The following ZMAT4 variants were observed in gnomAD, a reference collection of about 807,000 sequenced individuals.
ZMAT4 encodes the protein zinc finger matrin-type 4.
ZMAT4 carries 17 observed loss-of-function variants against 28.7 expected under a neutral mutation model. The ratio of observed to expected loss-of-function variants is 0.59; its 90% CI spans 0.41 to 0.89. ZMAT4 has a LOEUF of 0.89. Among genes scored for constraint, ZMAT4 ranks in the 40% least tolerant of loss-of-function variants. The pLI is 0.00. For missense variants in ZMAT4, 240 were observed against 283.8 expected (o/e 0.85, Z 1.11); for synonymous variants, 117 against 109.2 (o/e 1.07, Z -0.44).
intron 4 of ZMAT4, among the ~76,000 whole-genome samples, chr8:40,681,683 C>T (rs1809171798): frequency 6.6e-6 from 1 of 152,176 alleles, no homozygotes; most frequent in Non-Finnish European, 1.5e-5. Flanking sequence ...GTGATAAATA[C>T]ATGAAGAAAA....
chr8:40,831,413 A>T (rs569780454), intron 1 of ZMAT4, among the ~76,000 whole-genome samples: 1 of 152,170 alleles, frequency 6.6e-6, no homozygotes, highest in Non-Finnish European at 1.5e-5. Flanking sequence ...GAAGCATGTC[A>T]TTCAAAATAT....
chr8:40,825,324 A>C (rs572061697), intron 2 of ZMAT4, among the ~76,000 whole-genome samples: 1 of 152,246 alleles, frequency 6.6e-6, no homozygotes, highest in South Asian at 2.1e-4. Flanking sequence ...CAGAGTCTCC[A>C]GGGGCTGAGA....
At chr8:40,856,343 G>A (rs1817298475) in intron 1 of ZMAT4, among the ~76,000 whole-genome samples, 2 of 152,142 alleles carry the variant, frequency 1.3e-5, no homozygotes, top group Admixed American at 6.5e-5. Flanking sequence ...GCGCAAAGAT[G>A]GAAAGGGTTG....
chr8:40,770,530 C>T (rs978108652), intron 2 of ZMAT4, among the ~76,000 whole-genome samples: 1 of 142,190 alleles, frequency 7.0e-6, no homozygotes, highest in Admixed American at 7.4e-5. Flanking sequence ...TTCTTCCTCC[C>T]TTTCTTTCTT....
At chr8:40,881,490 A>AGAAAGAAAGAAAGAAAGAAG (rs1563263541) in intron 1 of ZMAT4, among the ~76,000 whole-genome samples, 1 of 141,494 alleles carries the variant, frequency 7.1e-6, no homozygotes, top group African/African-American at 2.6e-5. Context: ...AAAGAAAGAA[A>AGAAAGAAAGAAAGAAAGAAG]GAAAGAAAGA....
intron 1 of ZMAT4, among the ~76,000 whole-genome samples, chr8:40,886,458 C>A (rs1481252654): frequency 6.6e-6 from 1 of 152,228 alleles, no homozygotes; most frequent in Non-Finnish European, 1.5e-5. Context: ...GCAGACGGCG[C>A]ACAGGCTTGG....
chr8:40,653,565 A>G (rs1252814513), intron 5 of ZMAT4, among the ~76,000 whole-genome samples: 2 of 152,156 alleles, frequency 1.3e-5, no homozygotes, highest in African/African-American at 2.4e-5. Context: ...AAAATGAAAG[A>G]GAGGACATCA....
chr8:40,734,922 A>G (rs1363646496), intron 3 of ZMAT4, among the ~76,000 whole-genome samples: 1 of 152,244 alleles, frequency 6.6e-6, no homozygotes, highest in Non-Finnish European at 1.5e-5. Flanking sequence ...TAAAATTAGA[A>G]TCTACTGGGA....
At chr8:40,868,544 T>G (rs1817748747) in intron 1 of ZMAT4, among the ~76,000 whole-genome samples, 1 of 152,200 alleles carries the variant, frequency 6.6e-6, no homozygotes, top group African/African-American at 2.4e-5. Context: ...CAGACTGCAC[T>G]TGGGCACCAA....
chr8:40,700,416 T>TC (rs1810090514), intron 3 of ZMAT4, among the ~76,000 whole-genome samples: 2 of 138,500 alleles, frequency 1.4e-5, no homozygotes, highest in Admixed American at 7.2e-5. Context: ...CTTTTCTTTT[T>TC]TTTTTTTTTT....
chr8:40,614,168 T>C (rs1805908461), intron 5 of ZMAT4, among the ~76,000 whole-genome samples: 1 of 152,192 alleles, frequency 6.6e-6, no homozygotes, highest in Non-Finnish European at 1.5e-5. Context: ...TGCCCTGGGT[T>C]TGCACCTTGC....
intron 3 of ZMAT4, among the ~76,000 whole-genome samples, chr8:40,739,323 C>T (rs1811903967): frequency 6.6e-6 from 1 of 152,168 alleles, no homozygotes; most frequent in South Asian, 2.1e-4. Context: ...GTTTCCAGCT[C>T]AGGGATTCTT....
chr8:40,848,394 C>T (rs1453406021), intron 1 of ZMAT4, among the ~76,000 whole-genome samples: 1 of 152,158 alleles, frequency 6.6e-6, no homozygotes, highest in East Asian at 1.9e-4. Flanking sequence ...ATTAAGGATT[C>T]TACCAACACC....
intron 1 of ZMAT4, among the ~76,000 whole-genome samples, chr8:40,864,005 G>C (rs1376717327): frequency 2.0e-5 from 3 of 152,170 alleles, no homozygotes; most frequent in African/African-American, 4.8e-5. Flanking sequence ...GCCTCACATG[G>C]TGTCCAACAT....
intron 1 of ZMAT4, among the ~76,000 whole-genome samples, chr8:40,867,893 C>T (rs1817729030): frequency 6.6e-6 from 1 of 151,906 alleles, no homozygotes; most frequent in Admixed American, 6.6e-5. Flanking sequence ...AACAAACCTG[C>T]ATGGCCTGCA....
At chr8:40,833,032 C>T (rs1816343715) in intron 1 of ZMAT4, among the ~76,000 whole-genome samples, 1 of 152,170 alleles carries the variant, frequency 6.6e-6, no homozygotes. Context: ...AGAAAAAACT[C>T]TTTGCTCTCT....
intron 3 of ZMAT4, among the ~76,000 whole-genome samples, chr8:40,733,024 C>T (rs1811611539): frequency 6.6e-6 from 1 of 151,540 alleles, no homozygotes; most frequent in Non-Finnish European, 1.5e-5. Flanking sequence ...TTTTAATTTT[C>T]ATTATCTTAG....
At chr8:40,660,903 T>C (rs563365568) in intron 5 of ZMAT4, among the ~76,000 whole-genome samples, 2 of 152,364 alleles carry the variant, frequency 1.3e-5, no homozygotes, top group East Asian at 3.9e-4. Context: ...CTCTTCACAG[T>C]ATTTTATTTG....
chr8:40,829,365 A>G (rs1816192577), intron 1 of ZMAT4, among the ~76,000 whole-genome samples: 1 of 152,124 alleles, frequency 6.6e-6, no homozygotes, highest in Admixed American at 6.5e-5. Context: ...TCTGCAATGG[A>G]GGTAAGAGGC....
Sources: allele counts gnomAD v4.1 joint callset (sites outside exome capture counted in the v4.1 genomes callset), GRCh38; gene constraint gnomAD v4.1.1; transcripts MANE v1.5; gene names NCBI Gene and HGNC (gene_info 2026-07-23, HGNC 2026-07-21).